SKIC2: variants seen among roughly 807,000 people sequenced by gnomAD.
SKIC2 encodes SKI2 subunit of superkiller complex.
chr6:31,959,279 T>C, the SKIC2 span: 18 of 1,609,094 alleles, frequency 1.1e-5, no homozygotes, highest in Non-Finnish European at 1.5e-5. Flanking sequence ...ACCCCTGACT[T>C]TTGACCTTTC....
At chr6:31,963,580 A>G in the SKIC2 span, 2 of 1,550,306 alleles carry the variant, frequency 1.3e-6, no homozygotes, top group African/African-American at 1.4e-5. This position sits in a 1 kb window ranked among gnomAD's most constrained non-coding sequence, Gnocchi z 5.3. Context: ...AGATGGGGGA[A>G]AGAGTTAGGG....
the SKIC2 span, chr6:31,963,348 G>C: frequency 1.4e-6 from 2 of 1,433,324 alleles, no homozygotes; most frequent in Admixed American, 2.4e-5. This position sits in a 1 kb window ranked among gnomAD's most constrained non-coding sequence, Gnocchi z 5.3. Flanking sequence ...GGTAGGGAAG[G>C]GGGTGGGGAT....
chr6:31,962,847 C>G, the SKIC2 span: 1 of 1,417,580 alleles, frequency 7.1e-7, no homozygotes, highest in Non-Finnish European at 1.0e-6. The surrounding 1 kb of genome is among the most constrained non-coding windows in gnomAD (Gnocchi z 5.0). Flanking sequence ...CCTTTGGGAC[C>G]AGTTGAGCGT....
At chr6:31,966,053 G>A in the SKIC2 span, 9 of 1,282,082 alleles carry the variant, frequency 7.0e-6, no homozygotes, top group Non-Finnish European at 7.6e-6. The surrounding 1 kb of genome is among the most constrained non-coding windows in gnomAD (Gnocchi z 5.9). Context: ...CCAGCTCCAG[G>A]ACCTTGCTGG....
At chr6:31,967,230 C>G in the SKIC2 span, 2 of 1,608,786 alleles carry the variant, frequency 1.2e-6, no homozygotes, top group Non-Finnish European at 1.7e-6. The surrounding 1 kb of genome is among the most constrained non-coding windows in gnomAD (Gnocchi z 4.9). Flanking sequence ...GTCCAAGTGT[C>G]TGTCCCTGTG....
the SKIC2 span, chr6:31,962,137 C>G: frequency 4.3e-6 from 6 of 1,401,070 alleles, no homozygotes; most frequent in East Asian, 4.6e-5. This position sits in a 1 kb window ranked among gnomAD's most constrained non-coding sequence, Gnocchi z 5.0. Flanking sequence ...TCTCTTCCCC[C>G]ACCTCTCTAG....
At chr6:31,962,177 A>C in the SKIC2 span, 2 of 1,050,318 alleles carry the variant, frequency 1.9e-6, no homozygotes, top group Non-Finnish European at 2.9e-6. This position sits in a 1 kb window ranked among gnomAD's most constrained non-coding sequence, Gnocchi z 5.0. Context: ...GTTCAGGGCT[A>C]AGACTGAGAC....
At chr6:31,962,696 T>C in the SKIC2 span, 1 of 1,611,114 alleles carries the variant, frequency 6.2e-7, no homozygotes. This position sits in a 1 kb window ranked among gnomAD's most constrained non-coding sequence, Gnocchi z 5.0. Context: ...GAGTCAATCC[T>C]TGGCCTCTTC....
the SKIC2 span, chr6:31,960,700 C>G: frequency 1.3e-6 from 2 of 1,584,680 alleles, no homozygotes; most frequent in Non-Finnish European, 1.7e-6. Context: ...CAGATCTGAA[C>G]ACACGGGAGG....
chr6:31,959,437 G>A, the SKIC2 span: 121 of 1,421,734 alleles, frequency 8.5e-5, 1 homozygote, highest in East Asian at 2.7e-3. Flanking sequence ...GACCCGCATT[G>A]AGTCCAAACC....
the SKIC2 span, chr6:31,962,375 T>C: frequency 1.3e-6 from 2 of 1,569,986 alleles, no homozygotes; most frequent in Non-Finnish European, 1.8e-6. The surrounding 1 kb of genome is among the most constrained non-coding windows in gnomAD (Gnocchi z 5.0). Context: ...GGGCTCCATG[T>C]GGGAGAGGAA....
the SKIC2 span, chr6:31,963,633 C>G: frequency 6.5e-7 from 1 of 1,541,084 alleles, no homozygotes; most frequent in Non-Finnish European, 8.7e-7. This position sits in a 1 kb window ranked among gnomAD's most constrained non-coding sequence, Gnocchi z 5.3. Flanking sequence ...TCCCTGTGCC[C>G]CAGGTACTAT....
chr6:31,964,051 G>C, the SKIC2 span: 1 of 1,612,582 alleles, frequency 6.2e-7, no homozygotes, highest in Non-Finnish European at 8.5e-7. The surrounding 1 kb of genome is among the most constrained non-coding windows in gnomAD (Gnocchi z 5.0). Context: ...CACCAGTTCG[G>C]AGAAGAGCGA....
chr6:31,966,948 G>T, the SKIC2 span: 1 of 1,613,296 alleles, frequency 6.2e-7, no homozygotes, highest in Admixed American at 1.7e-5. The surrounding 1 kb of genome is among the most constrained non-coding windows in gnomAD (Gnocchi z 5.9). Context: ...GGTGGGGAGT[G>T]TGACAGATTG....
the SKIC2 span, chr6:31,969,337 G>T: frequency 6.2e-7 from 1 of 1,614,164 alleles, no homozygotes; most frequent in Non-Finnish European, 8.5e-7. The surrounding 1 kb of genome is among the most constrained non-coding windows in gnomAD (Gnocchi z 6.1). Context: ...GGTGGCTTGT[G>T]GCCTGAACCA....
chr6:31,959,897 A>T, the SKIC2 span: 1 of 772,064 alleles, frequency 1.3e-6, no homozygotes, highest in Non-Finnish European at 2.2e-6. Flanking sequence ...TGATTGTCCT[A>T]GTCTGTTTGA....
At chr6:31,960,058 G>A in the SKIC2 span, 1 of 1,613,106 alleles carries the variant, frequency 6.2e-7, no homozygotes, top group Non-Finnish European at 8.5e-7. Context: ...GCAAGAAGCA[G>A]AACAGTTGTT....
the SKIC2 span, chr6:31,960,389 G>T: frequency 1.9e-6 from 3 of 1,596,674 alleles, no homozygotes; most frequent in Non-Finnish European, 2.6e-6. Context: ...GAGGTGGTCA[G>T]AGACAAGCTC....
the SKIC2 span, chr6:31,966,892 A>C: frequency 1.2e-6 from 2 of 1,613,814 alleles, no homozygotes; most frequent in Non-Finnish European, 1.7e-6. The surrounding 1 kb of genome is among the most constrained non-coding windows in gnomAD (Gnocchi z 5.9). Flanking sequence ...AGGTTGGCCA[A>C]AGACAGGCTG....
Sources: gnomAD v4.1 joint callset for allele counts on GRCh38, gnomAD v4.1.1 for gene constraint, Gnocchi (gnomAD v3.1) non-coding constraint, MANE v1.5 for transcripts, NCBI Gene and HGNC (gene_info 2026-07-23, HGNC 2026-07-21) for gene names.